The following ZBTB20 variants were observed in gnomAD, a reference collection of about 807,000 sequenced individuals.
ZBTB20 encodes zinc finger and BTB domain-containing protein 20.
Under a neutral mutation model 56.9 loss-of-function variants are expected in ZBTB20, and 9 were observed. The observed-to-expected ratio is 0.16, with a 90% CI of 0.10 to 0.28. The LOEUF (loss-of-function observed/expected upper bound fraction) is 0.28. Ranked by LOEUF, ZBTB20 falls within the 10% of genes least tolerant of loss-of-function variation. The probability of loss-of-function intolerance (pLI) is 1.00; values close to 1 mark genes in which losing one functional copy is unlikely to be tolerated. For synonymous variants in ZBTB20, 417 were observed against 420.7 expected (o/e 0.99, Z 0.11); for missense variants, 655 against 1,003.0 (o/e 0.65, Z 4.69).
At chr3:114,843,333 G>A (rs935817273) in intron 4 of ZBTB20, among the ~76,000 whole-genome samples, 12 of 152,076 alleles carry the variant, frequency 7.9e-5, no homozygotes, top group Non-Finnish European at 1.6e-4. Context: ...AGATTTGAAG[G>A]CAAGGAAAGA....
intron 1 of ZBTB20, among the ~76,000 whole-genome samples, chr3:115,128,321 G>C (rs2084393909): frequency 6.6e-6 from 1 of 152,124 alleles, no homozygotes; most frequent in South Asian, 2.1e-4. Context: ...AGAATCAGTT[G>C]AGGTAGTTGT....
chr3:114,318,964 A>G lies in ZBTB20; in HGVS notation c.*20041T>C, dbSNP rs1560049599. 6.6e-6 allele frequency: 1 copy of G among 152,194 alleles called. No individual in the cohort carries two copies. The highest frequency in any genetic ancestry group is 2.1e-4 in the South Asian group (1 of 4,836). The allele number at this position is 152,194 out of a possible 1,614,324, so 9.4% of individuals were successfully genotyped here. ...GCTTTTTTTCTCTAAAAAAAGAATA[A>G]AACAAGAACAATCCCTTTACTTACT... On this transcript the variant is annotated 3_prime_UTR_variant, in exon 12 of 12. Coordinates refer to ENST00000675478, the MANE Select transcript of ZBTB20 (RefSeq NM_001348800.3).
At chr3:114,977,565 A>G (rs1195961710) in intron 2 of ZBTB20, among the ~76,000 whole-genome samples, 1 of 152,172 alleles carries the variant, frequency 6.6e-6, no homozygotes, top group Admixed American at 6.6e-5. Flanking sequence ...TTCCATGAAC[A>G]ATGTTGAGAT....
At chr3:115,008,745 AT>A in intron 2 of ZBTB20, among the ~76,000 whole-genome samples, 1 of 151,816 alleles carries the variant, frequency 6.6e-6, no homozygotes, top group East Asian at 2.0e-4. Flanking sequence ...AATGGCAAAC[AT>A]TTTTTCTTGG....
intron 5 of ZBTB20, chr3:114,713,865 C>T (rs1182705559): frequency 6.6e-6 from 1 of 152,464 alleles, no homozygotes; most frequent in African/African-American, 2.4e-5. Flanking sequence ...TTTTTAAGCT[C>T]CCATGACTAA....
chr3:114,861,816 A>G (rs1484167118), intron 4 of ZBTB20: 1 of 152,204 alleles, frequency 6.6e-6, no homozygotes, highest in Non-Finnish European at 1.5e-5. Flanking sequence ...CAGATAAGAA[A>G]GAGAAGCAAA....
intron 5 of ZBTB20, among the ~76,000 whole-genome samples, chr3:114,711,703 G>A (rs1054039617): frequency 6.6e-6 from 1 of 152,122 alleles, no homozygotes; most frequent in South Asian, 2.1e-4. Context: ...ATCTGGAGAG[G>A]AGTGAGCTAT....
At chr3:115,006,183 C>T (rs879665369) in intron 2 of ZBTB20, among the ~76,000 whole-genome samples, 1 of 151,600 alleles carries the variant, frequency 6.6e-6, no homozygotes, top group Admixed American at 6.6e-5. Flanking sequence ...TGATTCTTGC[C>T]CAGACCTTTG....
chr3:114,635,411 A>C (rs915334810), intron 6 of ZBTB20, among the ~76,000 whole-genome samples: 2 of 152,180 alleles, frequency 1.3e-5, no homozygotes, highest in African/African-American at 2.4e-5. Context: ...AAGAAAATCT[A>C]CAAGGAACAC....
At chr3:115,054,175 A>T (rs1230944122) in intron 2 of ZBTB20, among the ~76,000 whole-genome samples, 1 of 150,310 alleles carries the variant, frequency 6.7e-6, no homozygotes, top group East Asian at 1.9e-4. Flanking sequence ...ACTATAGAGA[A>T]ATAGCTGTGA....
chr3:114,320,124 A>T lies in ZBTB20; in HGVS notation c.*18881T>A, dbSNP rs1007469748. 6.6e-6 allele frequency: 1 copy of T among 151,920 alleles called. No individual in the cohort carries two copies. Among genetic ancestry groups the T allele is most frequent in the African/African-American group, 2.4e-5 (1 of 41,348 alleles). The allele number at this position is 151,920 out of a possible 1,614,324, so 9.4% of individuals were successfully genotyped here. On this transcript the variant is annotated 3_prime_UTR_variant, in exon 12 of 12. Transcript: ENST00000675478. Reference sequence around the variant, plus strand: ...TTCAGCATTGTAGTTTAAACTATGTATTTTTCTTACTTGATGATATTAATC... The same window carrying T: ...TTCAGCATTGTAGTTTAAACTATGTTTTTTTCTTACTTGATGATATTAATC...
chr3:114,708,102 A>T (rs1262955550), intron 5 of ZBTB20, among the ~76,000 whole-genome samples: 1 of 152,216 alleles, frequency 6.6e-6, no homozygotes, highest in Non-Finnish European at 1.5e-5. Context: ...GGATAAGCAG[A>T]ATGCTTGTAC....
chr3:115,134,452 T>C (rs2084599065), intron 1 of ZBTB20, among the ~76,000 whole-genome samples: 2 of 152,186 alleles, frequency 1.3e-5, no homozygotes, highest in Non-Finnish European at 1.5e-5. Context: ...TATTCACGTT[T>C]TGATTTCTAG....
intron 10 of ZBTB20, among the ~76,000 whole-genome samples, chr3:114,372,637 G>A (rs11920922): frequency 0.022 from 3,419 of 152,100 alleles, 128 homozygotes; most frequent in African/African-American, 0.077. Context: ...AGACCAGCCT[G>A]GGCAACATGA....
At chr3:114,564,655 T>C (rs1375449605) in intron 6 of ZBTB20, among the ~76,000 whole-genome samples, 1 of 152,226 alleles carries the variant, frequency 6.6e-6, no homozygotes, top group East Asian at 1.9e-4. Context: ...TTTTTGAGCA[T>C]TCATACTGCT....
intron 4 of ZBTB20, among the ~76,000 whole-genome samples, chr3:114,899,401 C>T (rs2075017582): frequency 6.6e-6 from 1 of 151,942 alleles, no homozygotes; most frequent in African/African-American, 2.4e-5. Context: ...TGAAATTGAG[C>T]CAAACACAAA....
At chr3:114,744,581 A>C (rs2066885696) in intron 5 of ZBTB20, among the ~76,000 whole-genome samples, 1 of 152,126 alleles carries the variant, frequency 6.6e-6, no homozygotes. Flanking sequence ...ATGGGTTGTT[A>C]ATGAAATTCT....
At chr3:114,986,081 G>C (rs1672798646) in intron 2 of ZBTB20, among the ~76,000 whole-genome samples, 1 of 152,062 alleles carries the variant, frequency 6.6e-6, no homozygotes, top group South Asian at 2.1e-4. Context: ...AAGAAAATTT[G>C]ATCAGAAAGT....
intron 4 of ZBTB20, among the ~76,000 whole-genome samples, chr3:114,820,251 T>A (rs2073163710): frequency 1.3e-5 from 2 of 152,078 alleles, no homozygotes; most frequent in South Asian, 4.2e-4. Context: ...AATTTTTTGG[T>A]ACATAATTAA....
Sources: gnomAD v4.1 joint callset for allele counts (sites outside exome capture counted in the v4.1 genomes callset) on GRCh38, gnomAD v4.1.1 for gene constraint, MANE v1.5 for transcripts, NCBI Gene and HGNC (gene_info 2026-07-23, HGNC 2026-07-21) for gene names.